Variants in VPS13B observed in about 807,000 individuals in gnomAD.
VPS13B encodes vacuolar protein sorting 13 homolog B, also known as intermembrane lipid transfer protein VPS13B.
A neutral mutation model predicts 426.4 loss-of-function variants in VPS13B; 285 were observed. The ratio of observed to expected loss-of-function variants is 0.67; its 90% CI spans 0.61 to 0.74. The LOEUF (loss-of-function observed/expected upper bound fraction) is 0.74, where lower values mean the gene tolerates loss of function less well. Among genes scored for constraint, VPS13B ranks in the 30% least tolerant of loss-of-function variants. The probability of loss-of-function intolerance (pLI) is 0.00; values close to 1 mark genes in which losing one functional copy is unlikely to be tolerated. For missense variants in VPS13B, 4,537 were observed against 4,782.6 expected (o/e 0.95, Z 1.51); for synonymous variants, 1,676 against 1,676.4 (o/e 1.00, Z 0.01).
intron 23 of VPS13B, among the ~76,000 whole-genome samples, chr8:99,461,352 ACT>A (rs1176265153): frequency 6.6e-6 from 1 of 151,894 alleles, no homozygotes; most frequent in Non-Finnish European, 1.5e-5. Flanking sequence ...ATGATTACAT[ACT>A]CTCTCAGATT....
chr8:99,562,410 A>G (rs1448984032), intron 31 of VPS13B, among the ~76,000 whole-genome samples: 1 of 151,820 alleles, frequency 6.6e-6, no homozygotes, highest in Non-Finnish European at 1.5e-5. Context: ...CCTCCCAAGT[A>G]CCTGGGATGA....
intron 31 of VPS13B, among the ~76,000 whole-genome samples, chr8:99,561,329 G>T (rs1159488389): frequency 6.6e-6 from 1 of 151,932 alleles, no homozygotes; most frequent in Admixed American, 6.6e-5. Context: ...TTTATATCTG[G>T]CCTCTTTCAC....
In VPS13B at chr8:99,771,458, A is replaced by AT. The variant is rs542707075; in HGVS notation, c.7247+4494dup. Reference sequence around the variant, plus strand: ...AAAGTGCTTTTTAATATATCTATATATTTTTTCTTCCTACTCCCTTAAGGT... The same window carrying AT: ...AAAGTGCTTTTTAATATATCTATATATTTTTTTCTTCCTACTCCCTTAAGGT... On this transcript the variant is annotated intron_variant, in intron 40 of 61. Coordinates refer to ENST00000357162, the MANE Select transcript of VPS13B (RefSeq NM_152564.5). 2.6e-5 allele frequency among the ~76,000 whole-genome samples: 4 copies of AT among 152,224 alleles called. No individual in the cohort carries two copies. The South Asian group carries it at 8.3e-4, about 32-fold the overall frequency.
intron 19 of VPS13B, among the ~76,000 whole-genome samples, chr8:99,326,601 G>A (rs943124432): frequency 6.6e-6 from 1 of 150,896 alleles, no homozygotes; most frequent in Non-Finnish European, 1.5e-5. Context: ...GTTTTGCCAC[G>A]TTGCTCAAGC....
At chr8:99,525,723 C>A (rs570712345) in intron 30 of VPS13B, among the ~76,000 whole-genome samples, 40 of 152,200 alleles carry the variant, frequency 2.6e-4, no homozygotes, top group African/African-American at 9.1e-4. Flanking sequence ...GAGAGAATTA[C>A]AAGCTAATAA....
chr8:99,582,639 T>C (rs746614952), intron 33 of VPS13B, among the ~76,000 whole-genome samples: 16 of 152,132 alleles, frequency 1.1e-4, no homozygotes, highest in Non-Finnish European at 1.9e-4. Flanking sequence ...AGTTACTCAT[T>C]GCCACATTTT....
intron 44 of VPS13B, among the ~76,000 whole-genome samples, chr8:99,814,299 G>C (rs1813894339): frequency 6.6e-6 from 1 of 152,172 alleles, no homozygotes; most frequent in African/African-American, 2.4e-5. Flanking sequence ...AAATATGCTT[G>C]TTAATCTTCA....
chr8:99,548,556 G>A (rs908869787), intron 30 of VPS13B, among the ~76,000 whole-genome samples: 4 of 151,788 alleles, frequency 2.6e-5, no homozygotes, highest in African/African-American at 9.7e-5. Flanking sequence ...ATTTTGAAAA[G>A]CTAGCATATG....
intron 35 of VPS13B, among the ~76,000 whole-genome samples, chr8:99,670,510 T>C (rs984357128): frequency 2.6e-5 from 4 of 152,078 alleles, no homozygotes; most frequent in Non-Finnish European, 4.4e-5. Context: ...ATCTCCTCTT[T>C]TACCAAGTTG....
intron 33 of VPS13B, among the ~76,000 whole-genome samples, chr8:99,603,396 G>T (rs1827416193): frequency 6.6e-6 from 1 of 152,130 alleles, no homozygotes. Context: ...TTATAAATTA[G>T]TCACAGTGAG....
chr8:99,406,918 C>A (rs1815364315), intron 21 of VPS13B, among the ~76,000 whole-genome samples: 1 of 152,128 alleles, frequency 6.6e-6, no homozygotes, highest in Non-Finnish European at 1.5e-5. Flanking sequence ...CATGAAGGTG[C>A]TTTCATTTGG....
At chr8:99,705,220 C>T (rs1284526834) in intron 36 of VPS13B, among the ~76,000 whole-genome samples, 1 of 151,996 alleles carries the variant, frequency 6.6e-6, no homozygotes, top group Non-Finnish European at 1.5e-5. Flanking sequence ...TCCTGGTGAA[C>T]CTTGAGGCAT....
chr8:99,289,833 A>C (rs1459036405), intron 19 of VPS13B, among the ~76,000 whole-genome samples: 1 of 152,244 alleles, frequency 6.6e-6, no homozygotes, highest in South Asian at 2.1e-4. Flanking sequence ...TTATCCTAAA[A>C]ACAAGATTTA....
At chr8:99,659,581 A>G (rs1830145688) in intron 34 of VPS13B, among the ~76,000 whole-genome samples, 1 of 152,234 alleles carries the variant, frequency 6.6e-6, no homozygotes, top group South Asian at 2.1e-4. Context: ...ATCTATTTCT[A>G]GAAAAATGTA....
At chr8:99,749,952 C>A (rs1810310530) in intron 39 of VPS13B, among the ~76,000 whole-genome samples, 2 of 152,098 alleles carry the variant, frequency 1.3e-5, no homozygotes, top group South Asian at 4.2e-4. Flanking sequence ...GTGTCATGAA[C>A]AAAACGTATT....
At chr8:99,225,428 C>T (rs762270016) in intron 17 of VPS13B, among the ~76,000 whole-genome samples, 1 of 152,126 alleles carries the variant, frequency 6.6e-6, no homozygotes, top group African/African-American at 2.4e-5. Context: ...AGGCACCCAC[C>T]ACCACGCCCG....
chr8:99,677,187 A>G (rs967670231), intron 35 of VPS13B, among the ~76,000 whole-genome samples: 1 of 152,222 alleles, frequency 6.6e-6, no homozygotes, highest in Non-Finnish European at 1.5e-5. Flanking sequence ...TATCATTTTT[A>G]AATCATATTT....
At position 99,511,511 on chromosome 8, in the gene VPS13B, A is replaced by C. The variant is rs749708849; in HGVS notation, c.4632A>C (p.Glu1544Asp). The C allele has an allele frequency of 1.9e-6, 3 of 1,611,922 alleles. No individual in the cohort carries two copies. In the African/African-American group the frequency reaches 4.0e-5, roughly 22 times the overall value. ...CAGAAGAAATGCAGCCAACTGTTGA[A>C]GGTATTGTCTTCTGATTTTTTTTGT... ...PKTEEMQPTV[E>D]ANQAAKEDTV... Residue 1544 changes from glutamate to aspartate, a missense_variant and splice_region_variant, in exon 29 of 62, where the codon GAA (glutamate) becomes GAC (aspartate). By Grantham distance (45) the Glu-to-Asp change is conservative. This residue lies in a region of VPS13B where 4,311 missense variants were observed against 4,474.3 expected (regional missense o/e 0.96). Coordinates refer to ENST00000357162, the MANE Select transcript of VPS13B (RefSeq NM_152564.5).
At chr8:99,546,948 A>C (rs1335234424) in intron 30 of VPS13B, among the ~76,000 whole-genome samples, 4 of 152,046 alleles carry the variant, frequency 2.6e-5, no homozygotes, top group African/African-American at 9.7e-5. Context: ...TTTTCTTATT[A>C]TGGAAATTAT....
Sources: allele counts gnomAD v4.1 joint callset (sites outside exome capture counted in the v4.1 genomes callset), GRCh38; gene constraint gnomAD v4.1.1; regional missense constraint gnomAD v4.1.1; transcripts MANE v1.5; gene names NCBI Gene and HGNC (gene_info 2026-07-23, HGNC 2026-07-21).